The following KRTAP19-1 variants were observed in gnomAD, a reference collection of about 807,000 sequenced individuals.
The protein encoded by KRTAP19-1 is keratin-associated protein 19-1.
For synonymous variants in KRTAP19-1, 45 were observed against 48.3 expected (o/e 0.93, Z 0.28); for missense variants, 116 against 113.6 (o/e 1.02, Z -0.10).
In KRTAP19-1 at chr21:30,480,242, C is replaced by G; in HGVS notation, c.76G>C (p.Gly26Arg). ...CTGCAGAAGCTGCCACATCCACAGC[C>G]ATAGCCATAGCCCAGGCCACCGAAG... ...GGFGGLGYGY[G>R]CGCGSFCRRG... Residue 26 changes from glycine to arginine, a missense_variant, in exon 1 of 1, where the codon GGC becomes CGC. By Grantham distance (125) the Gly-to-Arg change is moderately radical. Coordinates refer to ENST00000390689, the MANE Select transcript of KRTAP19-1 (RefSeq NM_181607.3). The G allele has an allele frequency of 6.2e-7, 1 of 1,614,106 alleles. No homozygotes were observed. The highest frequency in any genetic ancestry group is 8.5e-7 in the Non-Finnish European group (1 of 1,180,008).
At position 30,479,773 on chromosome 21, in the gene KRTAP19-1, C is replaced by A; in HGVS notation, c.*272G>T. The A allele has an allele frequency of 2.1e-6, 1 of 468,432 alleles. No individual in the cohort carries two copies. Among genetic ancestry groups the A allele is most frequent in the South Asian group, 3.1e-5 (1 of 32,162 alleles). 29.0% of individuals were successfully genotyped at this position (468,432 alleles called of 1,614,324 possible). ...TTTTTGCTAGGATCTTGATAGATAACATCAAGGTAATGGTGGTAAGAAAAA... is the reference window on the plus strand; with the variant it reads ...TTTTTGCTAGGATCTTGATAGATAAAATCAAGGTAATGGTGGTAAGAAAAA... On this transcript the variant is annotated 3_prime_UTR_variant, in exon 1 of 1. Coordinates refer to ENST00000390689, the MANE Select transcript of KRTAP19-1 (RefSeq NM_181607.3).
chr21:30,480,279 G>C, the KRTAP19-1 span: 1 of 1,614,208 alleles, frequency 6.2e-7, no homozygotes, highest in South Asian at 1.1e-5. Context: ...CTCCACAGCT[G>C]TAGCCCAGGC....
In KRTAP19-1 at chr21:30,480,054, G is replaced by A. The variant is rs1601030546; in HGVS notation, c.264C>T (p.Gly88=). The A allele has an allele frequency of 1.2e-6, 2 of 1,614,120 alleles. No homozygotes were observed. The highest frequency in any genetic ancestry group is 1.6e-4 in the Middle Eastern group (1 of 6,062). Residue 88 remains glycine (G), a synonymous_variant, in exon 1 of 1, where the codon GGC becomes GGT. Transcript: ENST00000390689. ...AATTTCAGCAATTCATTTAATAAAA[G>A]CCAGAGAATCCGTATCCTCCATTGT... is the stretch of plus-strand genomic sequence containing the variant. ...PSYNGGYGFS[G]FY
chr21:30,479,826 A>G lies in KRTAP19-1; in HGVS notation c.*219T>C. ...AAGCAAATTTAGAAGAACAACCTAG[A>G]GTAGTTATACATGAATATGATTTCA... On this transcript the variant is annotated 3_prime_UTR_variant, in exon 1 of 1. Transcript: ENST00000390689. 1 of 648,070 alleles carries G rather than the reference A, an allele frequency of 1.5e-6. No homozygotes were observed. The highest frequency in any genetic ancestry group is 2.0e-5 in the South Asian group (1 of 49,442). The allele number at this position is 648,070 out of a possible 1,614,324, so 40.1% of individuals were successfully genotyped here.
chr21:30,479,950 C>A lies in KRTAP19-1; in HGVS notation c.*95G>T. On this transcript the variant is annotated 3_prime_UTR_variant, in exon 1 of 1. Coordinates refer to ENST00000390689, the MANE Select transcript of KRTAP19-1 (RefSeq NM_181607.3). Reference sequence around the variant, plus strand: ...ATAGCTAAATATCTCTCCATTGATGCTGAAGGCAATAGAATGGATTTTTGG... The same window carrying A: ...ATAGCTAAATATCTCTCCATTGATGATGAAGGCAATAGAATGGATTTTTGG... The A allele has an allele frequency of 6.8e-7, 1 of 1,460,590 alleles. No individual in the cohort carries two copies. Among genetic ancestry groups the A allele is most frequent in the Non-Finnish European group, 9.5e-7 (1 of 1,055,886 alleles). The allele number at this position is 1,460,590 out of a possible 1,614,324, so 90.5% of individuals were successfully genotyped here. A position where few individuals can be genotyped will look rare whatever the true frequency, so the allele number is the denominator to read the frequency against.
At position 30,480,036 on chromosome 21, in the gene KRTAP19-1, G is replaced by A. The variant is rs890884414; in HGVS notation, c.*9C>T. The A allele has an allele frequency of 2.4e-5, 39 of 1,614,036 alleles. No individual in the cohort carries two copies. The highest frequency in any genetic ancestry group is 3.2e-5 in the Non-Finnish European group (38 of 1,180,038). ...GGTTTCTCCTCTGCTTCCAATTTCA[G>A]CAATTCATTTAATAAAAGCCAGAGA... On this transcript the variant is annotated 3_prime_UTR_variant, in exon 1 of 1. Coordinates refer to ENST00000390689, the MANE Select transcript of KRTAP19-1 (RefSeq NM_181607.3).
In KRTAP19-1 at chr21:30,480,291, T is replaced by A. The variant is rs368435438; in HGVS notation, c.27A>T (p.Gly9=). Residue 9 remains glycine, a synonymous_variant, in exon 1 of 1, where the codon GGA becomes GGT. Transcript: ENST00000390689. The stretch of plus-strand genomic sequence containing the variant: ...AGCCTCCACAGCTGTAGCCCAGGCC[T>A]CCGTAGTAGCTGCCGTAGTGACTCA... MSHYGSYY[G]GLGYSCGGFG... is the part of the protein sequence containing the mutation. The A allele has an allele frequency of 7.2e-4, 1,161 of 1,614,190 alleles. 19 individuals carry two copies. The South Asian group carries it at 0.011, about 16-fold the overall frequency.
chr21:30,479,994 G>GACAAAC lies in KRTAP19-1; in HGVS notation c.*50_*51insGTTTGT. On this transcript the variant is annotated 3_prime_UTR_variant, in exon 1 of 1. Coordinates refer to ENST00000390689, the MANE Select transcript of KRTAP19-1 (RefSeq NM_181607.3). ...TTTTTGGAATGAAAGCACGGGACAGGACCAAACACATTTGGAGGTTTCTCC... is the reference window on the plus strand; with the variant it reads ...TTTTTGGAATGAAAGCACGGGACAGGACAAACACCAAACACATTTGGAGGTTTCTCC... 1 of 1,611,998 alleles carries GACAAAC rather than the reference G, an allele frequency of 6.2e-7. No homozygotes were observed. Among genetic ancestry groups the GACAAAC allele is most frequent in the Non-Finnish European group, 8.5e-7 (1 of 1,178,326 alleles).
chr21:30,480,065 C>A, the KRTAP19-1 span: 1 of 1,614,002 alleles, frequency 6.2e-7, no homozygotes, highest in Admixed American at 1.7e-5. Flanking sequence ...CCAGAGAATC[C>A]GTATCCTCCA....
In KRTAP19-1 at chr21:30,480,276, G is replaced by A. The variant is rs780267616; in HGVS notation, c.42C>T (p.Ser14=). The part of the protein sequence containing the change: ...YGSYYGGLGY[S]CGGFGGLGYG... ...AGCCCAGGCCACCGAAGCCTCCACA[G>A]CTGTAGCCCAGGCCTCCGTAGTAGC... The change falls in exon 1 of 1, where the codon AGC becomes AGT. Residue 14 remains serine, a synonymous_variant. Transcript: ENST00000390689. The A allele has an allele frequency of 2.5e-6, 4 of 1,614,096 alleles. No homozygotes were observed. The highest frequency in any genetic ancestry group is 3.4e-6 in the Non-Finnish European group (4 of 1,180,032).
chr21:30,479,862 T>G lies in KRTAP19-1; in HGVS notation c.*183A>C. The G allele has an allele frequency of 1.1e-6, 1 of 877,296 alleles. No homozygotes were observed. Among genetic ancestry groups the G allele is most frequent in the Non-Finnish European group, 1.7e-6 (1 of 572,180 alleles). 54.3% of individuals were successfully genotyped at this position (877,296 alleles called of 1,614,324 possible). Reference sequence around the variant, plus strand: ...ATGAATATGATTTCAGGTGACGGACTCCGAAAGTAAAAAGACAACAAATAT... The same window carrying G: ...ATGAATATGATTTCAGGTGACGGACGCCGAAAGTAAAAAGACAACAAATAT... On this transcript the variant is annotated 3_prime_UTR_variant, in exon 1 of 1. Transcript: ENST00000390689.
At position 30,479,890 on chromosome 21, in the gene KRTAP19-1, A is replaced by T; in HGVS notation, c.*155T>A. On this transcript the variant is annotated 3_prime_UTR_variant, in exon 1 of 1. Coordinates refer to ENST00000390689, the MANE Select transcript of KRTAP19-1 (RefSeq NM_181607.3). ...GAAAGTAAAAAGACAACAAATATTC[A>T]CAGAAGCAGCTTAAATCTATTTTAA... 1 of 1,044,232 alleles carries T rather than the reference A, an allele frequency of 9.6e-7. No individual in the cohort carries two copies. Among genetic ancestry groups the T allele is most frequent in the Non-Finnish European group, 1.4e-6 (1 of 712,932 alleles). The allele number at this position is 1,044,232 out of a possible 1,614,324, so 64.7% of individuals were successfully genotyped here. A position where few individuals can be genotyped will look rare whatever the true frequency, so the allele number is the denominator to read the frequency against.
Position 30,480,001 on chromosome 21 carries a change from C to A in KRTAP19-1, c.*44G>T, listed in dbSNP as rs1262714319. ...AATGAAAGCACGGGACAGGACCAAA[C>A]ACATTTGGAGGTTTCTCCTCTGCTT... On this transcript the variant is annotated 3_prime_UTR_variant, in exon 1 of 1. Transcript: ENST00000390689. 6 of 1,612,940 alleles carry A rather than the reference C, an allele frequency of 3.7e-6. No individual in the cohort carries two copies. Among genetic ancestry groups the A allele is most frequent in the Non-Finnish European group, 5.1e-6 (6 of 1,179,066 alleles).
rs563045000 is a variant in KRTAP19-1 at position 30,479,843 on chromosome 21, A to G, written c.*202T>C. ...CAACCTAGAGTAGTTATACATGAATATGATTTCAGGTGACGGACTCCGAAA... is the reference window on the plus strand; with the variant it reads ...CAACCTAGAGTAGTTATACATGAATGTGATTTCAGGTGACGGACTCCGAAA... On this transcript the variant is annotated 3_prime_UTR_variant, in exon 1 of 1. Coordinates refer to ENST00000390689, the MANE Select transcript of KRTAP19-1 (RefSeq NM_181607.3). 1.4e-6 allele frequency: 1 copy of G among 732,688 alleles called. No individual in the cohort carries two copies. Among genetic ancestry groups the G allele is most frequent in the Non-Finnish European group, 2.2e-6 (1 of 452,238 alleles). The allele number at this position is 732,688 out of a possible 1,614,324, so 45.4% of individuals were successfully genotyped here.
rs8128202 is a variant in KRTAP19-1 at position 30,479,764 on chromosome 21, G to T, written c.*281C>A. ...AAATACAAGTTTTTGCTAGGATCTT[G>T]ATAGATAACATCAAGGTAATGGTGG... On this transcript the variant is annotated 3_prime_UTR_variant, in exon 1 of 1. Coordinates refer to ENST00000390689, the MANE Select transcript of KRTAP19-1 (RefSeq NM_181607.3). 8,937 of 430,000 alleles carry T rather than the reference G, an allele frequency of 0.021. 607 individuals carry two copies. Among genetic ancestry groups the T allele is most frequent in the African/African-American group, 0.15 (7,700 of 51,116 alleles). 26.6% of individuals were successfully genotyped at this position (430,000 alleles called of 1,614,324 possible).
rs1222757883 is a variant in KRTAP19-1 at position 30,480,124 on chromosome 21, C to T, written c.194G>A (p.Gly65Asp). 3.3e-5 allele frequency: 53 copies of T among 1,600,252 alleles called. No homozygotes were observed. Among genetic ancestry groups the T allele is most frequent in the Non-Finnish European group, 4.4e-5 (51 of 1,167,284 alleles). The change falls in exon 1 of 1, where the codon GGC (glycine) becomes GAC (aspartate). Residue 65 changes from glycine (G) to aspartate (D), a missense_variant. By Grantham distance (94) the Gly-to-Asp change is moderately conservative. Coordinates refer to ENST00000390689, the MANE Select transcript of KRTAP19-1 (RefSeq NM_181607.3). ...YGSGFGGYGY[G>D]SGFGGYGYGC... is the part of the protein sequence containing the mutation. ...ATATCCATAGCCTCCAAAGCCAGAGCCATATCCGTAGCCTCCAAAGCCAGA... is the reference window on the plus strand; with the variant it reads ...ATATCCATAGCCTCCAAAGCCAGAGTCATATCCGTAGCCTCCAAAGCCAGA...
Position 30,480,202 on chromosome 21 carries a change from C to A in KRTAP19-1, c.116G>T (p.Cys39Phe), listed in dbSNP as rs199738902. 1.2e-6 allele frequency: 2 copies of A among 1,614,080 alleles called. No individual in the cohort carries two copies. The highest frequency in any genetic ancestry group is 2.2e-5 in the East Asian group (1 of 44,876). Residue 39 changes from cysteine (C) to phenylalanine (F), a missense_variant, in exon 1 of 1, where the codon TGT becomes TTT. Transcript: ENST00000390689. ...CGSFCRRGSG[C>F]GYGGYGYGSG... ...GCCATATCCGTAGCCTCCATAGCCA[C>A]AGCCAGAACCCCGTCTGCAGAAGCT...
chr21:30,479,830 G>A lies in KRTAP19-1; in HGVS notation c.*215C>T. ...AAATTTAGAAGAACAACCTAGAGTAGTTATACATGAATATGATTTCAGGTG... is the reference window on the plus strand; with the variant it reads ...AAATTTAGAAGAACAACCTAGAGTAATTATACATGAATATGATTTCAGGTG... On this transcript the variant is annotated 3_prime_UTR_variant, in exon 1 of 1. Transcript: ENST00000390689. 1 of 670,804 alleles carries A rather than the reference G, an allele frequency of 1.5e-6. No individual in the cohort carries two copies. Among genetic ancestry groups the A allele is most frequent in the South Asian group, 2.0e-5 (1 of 50,854 alleles). 41.6% of individuals were successfully genotyped at this position (670,804 alleles called of 1,614,324 possible). A position where few individuals can be genotyped will look rare whatever the true frequency, so the allele number is the denominator to read the frequency against.
chr21:30,480,129 T>C lies in KRTAP19-1; in HGVS notation c.189A>G (p.Gly63=). The C allele has an allele frequency of 1.2e-6, 2 of 1,600,264 alleles. No homozygotes were observed. The highest frequency in any genetic ancestry group is 1.3e-5 in the African/African-American group (1 of 74,794). Residue 63 remains glycine (G), a synonymous_variant, in exon 1 of 1, where the codon GGA becomes GGG. Transcript: ENST00000390689. Reference sequence around the variant, plus strand: ...CATAGCCTCCAAAGCCAGAGCCATATCCGTAGCCTCCAAAGCCAGAGCCAT... The same window carrying C: ...CATAGCCTCCAAAGCCAGAGCCATACCCGTAGCCTCCAAAGCCAGAGCCAT... The part of the protein sequence containing the change: ...YGYGSGFGGY[G]YGSGFGGYGY...
Sources: allele counts gnomAD v4.1 joint callset, GRCh38; gene constraint gnomAD v4.1.1; transcripts MANE v1.5; gene names NCBI Gene and HGNC (gene_info 2026-07-23, HGNC 2026-07-21).